CEP128: variants seen among roughly 807,000 people sequenced by gnomAD.
CEP128 encodes the protein centrosomal protein 128kDa.
Under a neutral mutation model 156.7 loss-of-function variants are expected in CEP128, and 132 were observed. The ratio of observed to expected loss-of-function variants is 0.84; its 90% confidence interval spans 0.73 to 0.97. CEP128 has a LOEUF of 0.97. CEP128 is among the 50% of genes least tolerant of loss of function. The probability of loss-of-function intolerance (pLI) is 0.00; values close to 1 mark genes in which losing one functional copy is unlikely to be tolerated. For synonymous variants in CEP128, 469 were observed against 448.9 expected (o/e 1.04, Z -0.57); for missense variants, 1,252 against 1,281.9 (o/e 0.98, Z 0.36).
intron 19 of CEP128, among the ~76,000 whole-genome samples, chr14:80,631,958 G>A (rs1893976767): frequency 6.6e-6 from 1 of 152,002 alleles, no homozygotes; most frequent in Admixed American, 6.5e-5. Context: ...TACTAAGACA[G>A]AGGAAGAATC....
At chr14:80,790,690 A>C (rs1901658785) in intron 14 of CEP128, among the ~76,000 whole-genome samples, 1 of 152,152 alleles carries the variant, frequency 6.6e-6, no homozygotes, top group South Asian at 2.1e-4. Flanking sequence ...CAGAAATGTA[A>C]AAAGCAGGAA....
intron 20 of CEP128, among the ~76,000 whole-genome samples, chr14:80,559,900 A>C (rs1346570990): frequency 1.3e-5 from 2 of 152,220 alleles, no homozygotes; most frequent in Non-Finnish European, 2.9e-5. Context: ...CTGGCTTTAA[A>C]AGGGGTCATT....
intron 19 of CEP128, among the ~76,000 whole-genome samples, chr14:80,716,930 A>T (rs1295874833): frequency 6.6e-6 from 1 of 152,174 alleles, no homozygotes; most frequent in African/African-American, 2.4e-5. Context: ...CCTGGTGAGT[A>T]TAAAGTAGTA....
intron 21 of CEP128, among the ~76,000 whole-genome samples, chr14:80,553,277 G>A (rs890904376): frequency 1.3e-5 from 2 of 152,022 alleles, no homozygotes; most frequent in African/African-American, 4.8e-5. Context: ...AGTGTGTGAT[G>A]TTCGCTCCCT....
chr14:80,733,331 A>G (rs1162624635), intron 19 of CEP128, among the ~76,000 whole-genome samples: 1 of 140,564 alleles, frequency 7.1e-6, no homozygotes, highest in Admixed American at 7.2e-5. Context: ...CTTCATAACC[A>G]CATGGGTCGT....
At chr14:80,654,653 T>C (rs770646904) in intron 19 of CEP128, among the ~76,000 whole-genome samples, 27 of 152,320 alleles carry the variant, frequency 1.8e-4, no homozygotes, top group Middle Eastern at 3.4e-3. Context: ...CTTTCTTTTT[T>C]CTTAATCTTC....
intron 19 of CEP128, 115 bp downstream of exon 19, chr14:80,742,960 G>A: frequency 1.2e-6 from 1 of 833,416 alleles, no homozygotes; most frequent in South Asian, 1.7e-5. Context: ...AAGAAAAGGA[G>A]ATGGGCTTGG....
intron 19 of CEP128, among the ~76,000 whole-genome samples, chr14:80,729,058 G>GAT (rs1344457542): frequency 9.5e-6 from 1 of 105,024 alleles, no homozygotes; most frequent in African/African-American, 5.0e-5. Flanking sequence ...GGCTGGTGGG[G>GAT]GTGTGTGTGT....
intron 19 of CEP128, among the ~76,000 whole-genome samples, chr14:80,599,506 A>C (rs1049393238): frequency 2.2e-4 from 33 of 151,674 alleles, no homozygotes; most frequent in African/African-American, 8.0e-4. Flanking sequence ...CAATCTCCTG[A>C]CCTCGTGATC....
chr14:80,841,063 AC>A (rs1284274119), intron 9 of CEP128, among the ~76,000 whole-genome samples: 2 of 152,138 alleles, frequency 1.3e-5, no homozygotes, highest in African/African-American at 4.8e-5. Context: ...ATTCTTTTCT[AC>A]AGATTCCCCT....
At chr14:80,822,798 G>A (rs575786659) in intron 13 of CEP128, 3 of 750,282 alleles carry the variant, frequency 4.0e-6, no homozygotes, top group African/African-American at 1.7e-5. Context: ...GCCAAGTGAA[G>A]TGTGTGCATT....
chr14:80,726,099 C>A (rs1898010050), intron 19 of CEP128, among the ~76,000 whole-genome samples: 1 of 152,246 alleles, frequency 6.6e-6, no homozygotes, highest in African/African-American at 2.4e-5. Flanking sequence ...TACTTGTTAC[C>A]TTCTCTTGTG....
intron 14 of CEP128, among the ~76,000 whole-genome samples, chr14:80,787,075 A>C (rs931488761): frequency 7.9e-5 from 12 of 152,236 alleles, no homozygotes; most frequent in African/African-American, 2.4e-4. Context: ...CTATTGCTTC[A>C]TAACAATTTC....
At position 80,678,049 on chromosome 14, in the gene CEP128, AATATATATATATATGT is replaced by A. The variant is rs199616790; in HGVS notation, c.2806+65010_2806+65025del. Among the ~76,000 whole-genome samples, 400 of 98,494 alleles carry A rather than the reference AATATATATATATATGT, an allele frequency of 4.1e-3. 5 individuals carry two copies. The highest frequency in any genetic ancestry group is 0.035 in the East Asian group (163 of 4,646). 64.6% of individuals were successfully genotyped at this position (98,494 alleles called of 152,430 possible). A position where few individuals can be genotyped will look rare whatever the true frequency, so the allele number is the denominator to read the frequency against. ...ATGGACAGTTGCTCTATAAAAAAAA[AATATATATATATATGT>A]ATATATATATATGCTCAAGGAAACA... On this transcript the variant is annotated intron_variant, in intron 19 of 24. Coordinates refer to ENST00000555265, the MANE Select transcript of CEP128 (RefSeq NM_152446.5).
At chr14:80,691,389 A>C (rs1896714904) in intron 19 of CEP128, among the ~76,000 whole-genome samples, 1 of 152,278 alleles carries the variant, frequency 6.6e-6, no homozygotes, top group African/African-American at 2.4e-5. Context: ...GTTACACCAC[A>C]ATCTTCTCCC....
intron 19 of CEP128, among the ~76,000 whole-genome samples, chr14:80,643,752 A>C (rs899256633): frequency 6.6e-6 from 1 of 151,996 alleles, no homozygotes; most frequent in African/African-American, 2.4e-5. Flanking sequence ...AGCAATATAC[A>C]GCCAAAAAGG....
chr14:80,685,969 T>G (rs1249626789), intron 19 of CEP128, among the ~76,000 whole-genome samples: 1 of 152,050 alleles, frequency 6.6e-6, no homozygotes, highest in Non-Finnish European at 1.5e-5. Context: ...CAAGATGTAT[T>G]GAATATTAAA....
chr14:80,680,400 G>C (rs1459069259), intron 19 of CEP128, among the ~76,000 whole-genome samples: 2 of 152,122 alleles, frequency 1.3e-5, no homozygotes, highest in Non-Finnish European at 2.9e-5. Flanking sequence ...ATCCTGGTGA[G>C]CACGGCCCTC....
chr14:80,540,201 C>T (rs568119931), intron 21 of CEP128, among the ~76,000 whole-genome samples: 2 of 149,240 alleles, frequency 1.3e-5, no homozygotes, highest in Admixed American at 6.7e-5. Context: ...TCTTACACCC[C>T]CCCCCCTTTT....
Sources: gnomAD v4.1 joint callset for allele counts (sites outside exome capture counted in the v4.1 genomes callset) on GRCh38, gnomAD v4.1.1 for gene constraint, MANE v1.5 for transcripts, NCBI Gene and HGNC (gene_info 2026-07-23, HGNC 2026-07-21) for gene names.